CNTN5: variants seen among roughly 807,000 people sequenced by gnomAD.
The protein encoded by CNTN5 is contactin-5.
CNTN5 carries 77 observed loss-of-function variants against 129.1 expected under a neutral mutation model. That is an observed-to-expected ratio of 0.60 (90% confidence interval 0.50 to 0.72). The LOEUF is 0.72. Among genes scored for constraint, CNTN5 ranks in the 30% least tolerant of loss-of-function variants. The pLI is 0.00. For synonymous variants in CNTN5, 509 were observed against 465.6 expected (o/e 1.09, Z -1.20); for missense variants, 1,478 against 1,328.8 (o/e 1.11, Z -1.75).
At chr11:100,302,920 G>A (rs926272153) in intron 20 of CNTN5, among the ~76,000 whole-genome samples, 1 of 151,546 alleles carries the variant, frequency 6.6e-6, no homozygotes, top group Admixed American at 6.6e-5. Context: ...AAATGTTGAT[G>A]CTTGATCAAT....
chr11:99,360,245 A>G (rs1237328549), intron 2 of CNTN5, among the ~76,000 whole-genome samples: 1 of 152,120 alleles, frequency 6.6e-6, no homozygotes, highest in African/African-American at 2.4e-5. Flanking sequence ...AGCAGCTCTG[A>G]CACATTAAAG....
intron 18 of CNTN5, among the ~76,000 whole-genome samples, chr11:100,279,641 C>A (rs1363099005): frequency 6.6e-6 from 1 of 151,828 alleles, no homozygotes; most frequent in Non-Finnish European, 1.5e-5. Context: ...TGAATTTCTG[C>A]AGTGTGAGAT....
At chr11:99,459,991 G>GA (rs944837443) in intron 2 of CNTN5, among the ~76,000 whole-genome samples, 3 of 151,346 alleles carry the variant, frequency 2.0e-5, no homozygotes, top group Admixed American at 6.6e-5. Context: ...TATTTTAAAG[G>GA]AAAAAAAACT....
chr11:99,327,587 G>A (rs543595383), intron 2 of CNTN5, among the ~76,000 whole-genome samples: 1 of 152,108 alleles, frequency 6.6e-6, no homozygotes, highest in Non-Finnish European at 1.5e-5. Context: ...TGGTAGAATA[G>A]GAAGCAATTG....
chr11:99,835,740 A>C (rs1393075989), intron 4 of CNTN5, among the ~76,000 whole-genome samples: 3 of 152,186 alleles, frequency 2.0e-5, no homozygotes, highest in Admixed American at 2.0e-4. Flanking sequence ...TAATTTAAAA[A>C]ACTGGAGCAC....
At chr11:99,832,197 G>A (rs1167243487) in intron 4 of CNTN5, among the ~76,000 whole-genome samples, 1 of 152,080 alleles carries the variant, frequency 6.6e-6, no homozygotes, top group Non-Finnish European at 1.5e-5. Context: ...AAAAAATCAA[G>A]TAATAAGTCA....
At chr11:100,007,810 C>T (rs188902057) in intron 9 of CNTN5, among the ~76,000 whole-genome samples, 29 of 151,562 alleles carry the variant, frequency 1.9e-4, no homozygotes, top group East Asian at 3.9e-4. Flanking sequence ...ATTCACAAGT[C>T]GGCTAACTGA....
chr11:99,649,776 A>G (rs530894427), intron 3 of CNTN5, among the ~76,000 whole-genome samples: 1 of 151,884 alleles, frequency 6.6e-6, no homozygotes, highest in South Asian at 2.1e-4. Context: ...AGTTTTTTGA[A>G]GAAAACAGTC....
chr11:99,162,149 C>G (rs927448974), intron 1 of CNTN5, among the ~76,000 whole-genome samples: 1 of 151,982 alleles, frequency 6.6e-6, no homozygotes, highest in African/African-American at 2.4e-5. Context: ...CATGGTTGAT[C>G]TAAACTAAAA....
At chr11:99,483,703 A>G (rs573242054) in intron 2 of CNTN5, among the ~76,000 whole-genome samples, 2 of 152,092 alleles carry the variant, frequency 1.3e-5, no homozygotes, top group African/African-American at 4.8e-5. Flanking sequence ...GGTGTGCTCT[A>G]ATGACATTTT....
At chr11:99,384,014 G>T (rs1476232506) in intron 2 of CNTN5, among the ~76,000 whole-genome samples, 1 of 152,180 alleles carries the variant, frequency 6.6e-6, no homozygotes, top group Non-Finnish European at 1.5e-5. Flanking sequence ...AGTTCCACGG[G>T]TGATAAAACA....
chr11:99,302,758 A>G (rs1023174224), intron 1 of CNTN5, among the ~76,000 whole-genome samples: 1 of 151,860 alleles, frequency 6.6e-6, no homozygotes, highest in African/African-American at 2.4e-5. Context: ...TATGTGAAAT[A>G]TATCTCAATG....
intron 6 of CNTN5, among the ~76,000 whole-genome samples, chr11:99,895,084 G>A (rs1949170460): frequency 6.6e-6 from 1 of 152,196 alleles, no homozygotes. Context: ...TGGATAAAGT[G>A]CTAAAGGTAG....
chr11:99,494,930 T>C (rs891626207), intron 2 of CNTN5, among the ~76,000 whole-genome samples: 2 of 152,236 alleles, frequency 1.3e-5, no homozygotes, highest in African/African-American at 4.8e-5. Flanking sequence ...CTTGCTCATA[T>C]TTTGTTACAA....
At chr11:99,507,810 G>A (rs531691845) in intron 2 of CNTN5, among the ~76,000 whole-genome samples, 37 of 151,988 alleles carry the variant, frequency 2.4e-4, no homozygotes, top group East Asian at 5.8e-4. Context: ...CTTCTTTTCC[G>A]TTTTTGGTAG....
chr11:99,543,919 A>C (rs1472762931), intron 2 of CNTN5, among the ~76,000 whole-genome samples: 1 of 71,344 alleles, frequency 1.4e-5, no homozygotes, highest in South Asian at 5.1e-4. Flanking sequence ...AGTCTGTCTC[A>C]AAAAAACAAA....
At chr11:99,228,231 G>A (rs1003910246) in intron 1 of CNTN5, among the ~76,000 whole-genome samples, 1 of 152,050 alleles carries the variant, frequency 6.6e-6, no homozygotes, top group African/African-American at 2.4e-5. Flanking sequence ...AGTTCCTAAT[G>A]TGAACTTCCT....
chr11:99,788,380 T>TA (rs1378984950), intron 3 of CNTN5, among the ~76,000 whole-genome samples: 1 of 151,952 alleles, frequency 6.6e-6, no homozygotes, highest in African/African-American at 2.4e-5. Flanking sequence ...CAGTAGCTCT[T>TA]AGAGGTGAAC....
chr11:99,776,945 T>A (rs1370340383), intron 3 of CNTN5, among the ~76,000 whole-genome samples: 1 of 151,976 alleles, frequency 6.6e-6, no homozygotes, highest in East Asian at 1.9e-4. Context: ...AACTTTCTGC[T>A]TTCTCTAAGA....
Sources: gnomAD v4.1 joint callset for allele counts (sites outside exome capture counted in the v4.1 genomes callset) on GRCh38, gnomAD v4.1.1 for gene constraint, MANE v1.5 for transcripts, NCBI Gene and HGNC (gene_info 2026-07-23, HGNC 2026-07-21) for gene names.